The following RELN variants were observed in gnomAD, a reference collection of about 807,000 sequenced individuals.
RELN encodes reelin.
A neutral mutation model predicts 427.6 loss-of-function variants in RELN; 108 were observed. That is an observed-to-expected ratio of 0.25 (90% CI 0.22 to 0.30). The LOEUF is 0.30. Ranked by LOEUF, RELN falls within the 10% of genes least tolerant of loss-of-function variation. RELN has a pLI of 1.00. For synonymous variants in RELN, 1,524 were observed against 1,513.4 expected (o/e 1.01, Z -0.16); for missense variants, 3,715 against 4,302.8 (o/e 0.86, Z 3.82).
Position 103,593,871 on chromosome 7 carries a change from C to A in RELN, c.3723G>T (p.Glu1241Asp), listed in dbSNP as rs746820525. ...INPTLPQNFY[E>D]KPAFDYPMNQ... ...TCATAGGGTAATCAAAAGCTGGCTT[C>A]TCATAAAAGTTCTAATAGAAACAAT... The change falls in exon 27 of 65, where the codon GAG becomes GAT. Residue 1241 changes from glutamate (E) to aspartate (D), a missense_variant. By Grantham distance (45) the Glu-to-Asp change is conservative (BLOSUM62 2). Transcript: ENST00000428762. The A allele has an allele frequency of 6.2e-7, 1 of 1,612,846 alleles. No individual in the cohort carries two copies. The highest frequency in any genetic ancestry group is 8.5e-7 in the Non-Finnish European group (1 of 1,179,074).
At chr7:103,522,240 AAAGCCCCTGC>A (rs1441789362) in intron 47 of RELN, 41 bp from the exon 48 acceptor site, 1 of 1,595,720 alleles carries the variant, frequency 6.3e-7, no homozygotes, top group Non-Finnish European at 8.6e-7. Context: ...AACATCAGAC[AAAGCCCCTGC>A]AAGCTTGTTC....
At chr7:103,518,390 T>C (rs1829621033) in intron 49 of RELN, among the ~76,000 whole-genome samples, 1 of 149,174 alleles carries the variant, frequency 6.7e-6, no homozygotes, top group African/African-American at 2.5e-5. Flanking sequence ...TAGAGCATAG[T>C]GCCACAATCA....
intron 11 of RELN, among the ~76,000 whole-genome samples, chr7:103,669,567 A>G (rs1356924379): frequency 3.3e-5 from 5 of 152,120 alleles, no homozygotes; most frequent in Non-Finnish European, 7.4e-5. Flanking sequence ...TACAAAAATT[A>G]TATAGTTCCT....
At chr7:103,909,993 T>C (rs897953519) in intron 2 of RELN, among the ~76,000 whole-genome samples, 1 of 140,794 alleles carries the variant, frequency 7.1e-6, no homozygotes, top group Non-Finnish European at 1.5e-5. Context: ...ATCTGTAAAT[T>C]ACCTTGGGCA....
At chr7:103,974,501 A>G (rs1023834468) in intron 1 of RELN, among the ~76,000 whole-genome samples, 2 of 146,508 alleles carry the variant, frequency 1.4e-5, no homozygotes, top group African/African-American at 5.2e-5. Context: ...TACATTATCT[A>G]TAAGATTTGA....
chr7:103,700,637 C>G (rs958287300), intron 9 of RELN, among the ~76,000 whole-genome samples: 13 of 151,938 alleles, frequency 8.6e-5, no homozygotes, highest in Non-Finnish European at 1.5e-5. Context: ...AGAATGCTAT[C>G]AAAAAAGCTA....
chr7:103,856,056 T>G (rs1003775875), intron 2 of RELN, among the ~76,000 whole-genome samples: 1 of 151,694 alleles, frequency 6.6e-6, no homozygotes, highest in Non-Finnish European at 1.5e-5. Context: ...AAAATAAGAG[T>G]TTGACAGTGA....
chr7:103,509,452 T>C (rs1829324163), intron 51 of RELN, among the ~76,000 whole-genome samples: 1 of 152,216 alleles, frequency 6.6e-6, no homozygotes, highest in South Asian at 2.1e-4. Context: ...GCTAGCCATA[T>C]GCAAAAAGCT....
At chr7:103,525,537 G>A (rs182079476) in intron 46 of RELN, among the ~76,000 whole-genome samples, 50 of 152,256 alleles carry the variant, frequency 3.3e-4, no homozygotes, top group African/African-American at 1.0e-3. Context: ...GTGTAACTCA[G>A]CGGTTTTGCT....
At chr7:103,868,480 T>G (rs1794252453) in intron 2 of RELN, among the ~76,000 whole-genome samples, 1 of 152,096 alleles carries the variant, frequency 6.6e-6, no homozygotes, top group Admixed American at 6.6e-5. Context: ...CATTTCAGAA[T>G]CTTCATCTAC....
chr7:103,762,766 T>G (rs1357253456), intron 4 of RELN, among the ~76,000 whole-genome samples: 1 of 152,216 alleles, frequency 6.6e-6, no homozygotes, highest in Admixed American at 6.5e-5. Context: ...TTTCTTCATA[T>G]TTCTTTTCAC....
At position 103,631,286 on chromosome 7, in the gene RELN, C is replaced by CTTTTTTTTTTT. The variant is rs545808640; in HGVS notation, c.2466-1121_2466-1111dup. On this transcript the variant is annotated intron_variant, in intron 19 of 64. Transcript: ENST00000428762. ...CAGAAATAAAACTTTAAAAACACTT[C>CTTTTTTTTTTT]TTTTTTTTTTTTTTTTTTTTTTTTT... Among the ~76,000 whole-genome samples, 98 of 77,794 alleles carry CTTTTTTTTTTT rather than the reference C, an allele frequency of 1.3e-3. 9 individuals carry two copies. The highest frequency in any genetic ancestry group is 1.8e-3 in the South Asian group (3 of 1,634). 51.0% of individuals were successfully genotyped at this position (77,794 alleles called of 152,430 possible).
chr7:103,658,806 T>C (rs1478697268), intron 12 of RELN, among the ~76,000 whole-genome samples: 2 of 148,564 alleles, frequency 1.3e-5, no homozygotes, highest in African/African-American at 2.4e-5. Context: ...CTGGTTGATC[T>C]CTCTCTCTCT....
At chr7:103,901,224 G>C (rs28770307) in intron 2 of RELN, among the ~76,000 whole-genome samples, 65,333 of 151,832 alleles carry the variant, frequency 0.43, 14,495 homozygotes, top group East Asian at 0.75. Context: ...TGTCTATGAA[G>C]TTGGCTATAA....
chr7:103,885,083 T>C (rs905868524), intron 2 of RELN, among the ~76,000 whole-genome samples: 3 of 152,156 alleles, frequency 2.0e-5, no homozygotes, highest in African/African-American at 7.2e-5. Flanking sequence ...CTCACGCCTG[T>C]AATCCAAGCA....
At chr7:103,761,533 A>G (rs1189079382) in intron 4 of RELN, among the ~76,000 whole-genome samples, 1 of 152,066 alleles carries the variant, frequency 6.6e-6, no homozygotes, top group Non-Finnish European at 1.5e-5. Context: ...GCTCACTGCA[A>G]TCTCAACCTC....
chr7:103,679,593 C>T (rs1833610889), intron 11 of RELN, among the ~76,000 whole-genome samples: 1 of 152,166 alleles, frequency 6.6e-6, no homozygotes, highest in African/African-American at 2.4e-5. Flanking sequence ...AAAGAAATGT[C>T]CAAAGAGCAC....
At chr7:103,661,582 T>C in intron 11 of RELN, 55 bp from the exon 12 acceptor site, 4 of 1,525,712 alleles carry the variant, frequency 2.6e-6, no homozygotes, top group South Asian at 1.1e-5. Context: ...CAAATCTTTA[T>C]AAAGAATAAC....
intron 2 of RELN, among the ~76,000 whole-genome samples, chr7:103,903,835 T>A (rs1195689137): frequency 1.4e-5 from 2 of 146,450 alleles, no homozygotes; most frequent in African/African-American, 5.1e-5. Context: ...TGAGTACATA[T>A]CTTTTTTTGT....
Sources: allele counts gnomAD v4.1 joint callset (sites outside exome capture counted in the v4.1 genomes callset), GRCh38; gene constraint gnomAD v4.1.1; transcripts MANE v1.5; gene names NCBI Gene and HGNC (gene_info 2026-07-23, HGNC 2026-07-21).